The following TBC1D5 variants were observed in gnomAD, a reference collection of about 807,000 sequenced individuals.
TBC1D5 encodes the protein TBC1 domain family member 5.
In TBC1D5, 75 loss-of-function variants were observed where a neutral mutation model predicts 100.3. The ratio of observed to expected loss-of-function variants is 0.75; its 90% CI spans 0.62 to 0.91. The LOEUF is 0.91. Ranked by LOEUF, TBC1D5 falls within the 40% of genes least tolerant of loss-of-function variation. The pLI, the probability that TBC1D5 is intolerant of heterozygous loss-of-function variation, is 0.00. For missense variants in TBC1D5, 910 were observed against 942.4 expected, an observed-to-expected ratio of 0.97 and a Z score of 0.45; for synonymous variants, 323 against 325.6, an observed-to-expected ratio of 0.99 and a Z score of 0.09.
chr3:17,552,606 G>A (rs1372499396), intron 2 of TBC1D5, among the ~76,000 whole-genome samples: 1 of 152,136 alleles, frequency 6.6e-6, no homozygotes, highest in Non-Finnish European at 1.5e-5. Context: ...ACCAAATAGA[G>A]CTTAAATGCT....
At chr3:17,654,247 C>G (rs931070226) in intron 1 of TBC1D5, among the ~76,000 whole-genome samples, 3 of 152,042 alleles carry the variant, frequency 2.0e-5, no homozygotes, top group African/African-American at 7.2e-5. Context: ...TAGAATTACA[C>G]TGACAAATTT....
At chr3:17,344,033 T>G (rs1465255556) in intron 13 of TBC1D5, among the ~76,000 whole-genome samples, 1 of 152,140 alleles carries the variant, frequency 6.6e-6, no homozygotes, top group African/African-American at 2.4e-5. Flanking sequence ...GCTCTTGCTT[T>G]TCTAGTTCTT....
At chr3:17,322,623 C>T (rs1318048277) in intron 13 of TBC1D5, among the ~76,000 whole-genome samples, 1 of 152,176 alleles carries the variant, frequency 6.6e-6, no homozygotes, top group East Asian at 1.9e-4. Context: ...GACGCAGACT[C>T]AAGGCCGAGG....
chr3:17,180,790 G>T (rs1241962154), intron 19 of TBC1D5, among the ~76,000 whole-genome samples: 2 of 151,912 alleles, frequency 1.3e-5, no homozygotes, highest in Non-Finnish European at 2.9e-5. Flanking sequence ...GGTGGTGAGG[G>T]ATGAGAAATC....
intron 1 of TBC1D5, among the ~76,000 whole-genome samples, chr3:17,732,399 T>C (rs2076636234): frequency 6.6e-6 from 1 of 151,924 alleles, no homozygotes; most frequent in Non-Finnish European, 1.5e-5. Flanking sequence ...ATCTACTTTG[T>C]AACATTCAAC....
At position 17,358,748 on chromosome 3, in the gene TBC1D5, C is replaced by A. The variant is rs115043079; in HGVS notation, c.995+13327G>T. Among the ~76,000 whole-genome samples, 644 of 152,146 alleles carry A rather than the reference C, an allele frequency of 4.2e-3. 4 individuals are homozygous for A. Among genetic ancestry groups the A allele is most frequent in the African/African-American group, 0.014 (580 of 41,512 alleles). ...TTTCTCTAACAAATTCCATGTAGTA[C>A]AATCTTTAATTTTAATTAAAAAATT... On this transcript the variant is annotated intron_variant, in intron 13 of 21. Transcript: ENST00000253692.
intron 4 of TBC1D5, among the ~76,000 whole-genome samples, chr3:17,419,473 A>G (rs2094157982): frequency 6.6e-6 from 1 of 152,150 alleles, no homozygotes. Context: ...GTTTTTGACA[A>G]ACTGAAACTT....
chr3:17,582,420 C>G (rs2096704389), intron 2 of TBC1D5, among the ~76,000 whole-genome samples: 1 of 152,080 alleles, frequency 6.6e-6, no homozygotes, highest in Non-Finnish European at 1.5e-5. Flanking sequence ...GAAAATTCAT[C>G]TCCCATTTAG....
intron 1 of TBC1D5, among the ~76,000 whole-genome samples, chr3:17,665,971 T>A (rs1221985159): frequency 6.6e-6 from 1 of 152,174 alleles, no homozygotes; most frequent in Non-Finnish European, 1.5e-5. Context: ...CCAAAAAGCT[T>A]ATCCAAAGGT....
chr3:17,323,809 A>G (rs2085737377), intron 13 of TBC1D5, among the ~76,000 whole-genome samples: 1 of 152,210 alleles, frequency 6.6e-6, no homozygotes, highest in Non-Finnish European at 1.5e-5. Context: ...GATTTCTGGA[A>G]AAATGAACAG....
At chr3:17,620,258 G>C (rs1348999974) in intron 2 of TBC1D5, among the ~76,000 whole-genome samples, 1 of 152,122 alleles carries the variant, frequency 6.6e-6, no homozygotes, top group African/African-American at 2.4e-5. Flanking sequence ...GGGATTACAG[G>C]GGCAAGCCAC....
intron 2 of TBC1D5, among the ~76,000 whole-genome samples, chr3:17,622,211 AG>A (rs904028400): frequency 3.3e-5 from 5 of 152,182 alleles, no homozygotes; most frequent in Non-Finnish European, 5.9e-5. Flanking sequence ...AATTCGTAAC[AG>A]GGTTTGCACA....
At chr3:17,238,236 G>A (rs954757712) in exon 17 of TBC1D5, 3 of 1,613,874 alleles carry the variant, frequency 1.9e-6, no homozygotes, top group East Asian at 2.2e-5. Context: ...GCAAGTGATG[G>A]CTTGGGGCCT....
chr3:17,274,869 G>C (rs1322791494), intron 15 of TBC1D5, among the ~76,000 whole-genome samples: 1 of 152,184 alleles, frequency 6.6e-6, no homozygotes, highest in African/African-American at 2.4e-5. Flanking sequence ...ATGATGGACA[G>C]ACTTTGGGCT....
chr3:17,739,552 A>C (rs2077229561), exon 1 of TBC1D5: 1 of 152,242 alleles, frequency 6.6e-6, no homozygotes, highest in Admixed American at 6.5e-5. Flanking sequence ...AGGAATAAAA[A>C]ACTTTCAGAG....
At chr3:17,569,637 T>C (rs2096614232) in intron 2 of TBC1D5, among the ~76,000 whole-genome samples, 1 of 151,670 alleles carries the variant, frequency 6.6e-6, no homozygotes, top group Non-Finnish European at 1.5e-5. Flanking sequence ...TAAATGCACT[T>C]GAGCCTGAAG....
intron 2 of TBC1D5, among the ~76,000 whole-genome samples, chr3:17,542,287 T>C (rs985780831): frequency 6.6e-6 from 1 of 152,108 alleles, no homozygotes; most frequent in African/African-American, 2.4e-5. Context: ...CAAGACTTTG[T>C]CTCAAGTAAC....
chr3:17,738,349 T>C (rs569380013), intron 1 of TBC1D5, among the ~76,000 whole-genome samples: 10 of 152,084 alleles, frequency 6.6e-5, no homozygotes, highest in African/African-American at 9.7e-5. Flanking sequence ...ACTTACGTGA[T>C]AGCATTAAGG....
intron 3 of TBC1D5, among the ~76,000 whole-genome samples, chr3:17,452,528 G>C (rs929699306): frequency 6.6e-6 from 1 of 152,034 alleles, no homozygotes; most frequent in Admixed American, 6.5e-5. Context: ...AAGAAAAGTA[G>C]TTATACTTAC....
Sources: gnomAD v4.1 joint callset for allele counts (sites outside exome capture counted in the v4.1 genomes callset) on GRCh38, gnomAD v4.1.1 for gene constraint, MANE v1.5 for transcripts, NCBI Gene and HGNC (gene_info 2026-07-23, HGNC 2026-07-21) for gene names.